The following ASIC2 variants were observed in gnomAD, a reference collection of about 807,000 sequenced individuals.
ASIC2 encodes acid sensing ion channel subunit 2.
Under a neutral mutation model 57.3 loss-of-function variants are expected in ASIC2, and 25 were observed. That is an observed-to-expected ratio of 0.44 (90% confidence interval 0.32 to 0.61). ASIC2 has a LOEUF of 0.61. Ranked by LOEUF, ASIC2 falls within the 20% of genes least tolerant of loss-of-function variation. The probability of loss-of-function intolerance (pLI) is 0.06; values close to 1 mark genes in which losing one functional copy is unlikely to be tolerated. For missense variants in ASIC2, 641 were observed against 738.1 expected (o/e 0.87, Z 1.52); for synonymous variants, 319 against 307.5 (o/e 1.04, Z -0.39).
intron 1 of ASIC2, among the ~76,000 whole-genome samples, chr17:33,447,285 AG>A (rs202038208): frequency 8.4e-5 from 11 of 131,722 alleles, no homozygotes; most frequent in African/African-American, 3.0e-4. Flanking sequence ...AGAAAAGCAG[AG>A]CCAGAGTCTG....
intron 1 of ASIC2, among the ~76,000 whole-genome samples, chr17:33,732,297 G>A (rs1292514897): frequency 2.6e-5 from 4 of 152,196 alleles, no homozygotes; most frequent in African/African-American, 9.6e-5. Context: ...GAGTCATTCA[G>A]ACTTTTCTGA....
chr17:33,960,094 A>G (rs900099116), intron 1 of ASIC2, among the ~76,000 whole-genome samples: 10 of 152,350 alleles, frequency 6.6e-5, no homozygotes, highest in Non-Finnish European at 1.3e-4. Context: ...AGGAATGAGC[A>G]TCTGACACCA....
chr17:33,530,005 A>G (rs1378685200), intron 1 of ASIC2: 2 of 152,200 alleles, frequency 1.3e-5, no homozygotes, highest in East Asian at 3.9e-4. Context: ...TATTCAGCTC[A>G]CTTCCCTTGG....
At chr17:33,303,865 GT>G (rs1906063358) in intron 1 of ASIC2, among the ~76,000 whole-genome samples, 1 of 152,074 alleles carries the variant, frequency 6.6e-6, no homozygotes, top group South Asian at 2.1e-4. Flanking sequence ...ATTCAAAATG[GT>G]TTTCTGAAAA....
chr17:33,220,648 C>T (rs1265751765), intron 1 of ASIC2, among the ~76,000 whole-genome samples: 1 of 149,308 alleles, frequency 6.7e-6, no homozygotes, highest in Admixed American at 6.7e-5. Flanking sequence ...GTATACAAAG[C>T]ACCCGGCCTA....
At chr17:33,135,074 A>G (rs1247406519) in intron 1 of ASIC2, among the ~76,000 whole-genome samples, 1 of 152,184 alleles carries the variant, frequency 6.6e-6, no homozygotes, top group East Asian at 1.9e-4. Context: ...TTGCCCAGTC[A>G]TATGCTAATA....
chr17:33,109,285 C>A (rs1270085183), intron 2 of ASIC2, among the ~76,000 whole-genome samples: 1 of 152,222 alleles, frequency 6.6e-6, no homozygotes, highest in Non-Finnish European at 1.5e-5. Context: ...AGCCACCTTG[C>A]AAACACTTGA....
intron 1 of ASIC2, among the ~76,000 whole-genome samples, chr17:33,978,691 T>A (rs1444036386): frequency 6.6e-6 from 1 of 152,076 alleles, no homozygotes; most frequent in Non-Finnish European, 1.5e-5. Context: ...AAGGCCAGAC[T>A]GAGGGTGACT....
intron 1 of ASIC2, among the ~76,000 whole-genome samples, chr17:33,359,078 G>T (rs1055807757): frequency 1.3e-5 from 2 of 152,224 alleles, no homozygotes; most frequent in Non-Finnish European, 1.5e-5. Context: ...AACTCCCTGA[G>T]ATGACAGTTG....
At chr17:33,060,642 G>C (rs1027310730) in intron 3 of ASIC2, among the ~76,000 whole-genome samples, 2 of 152,044 alleles carry the variant, frequency 1.3e-5, no homozygotes, top group Non-Finnish European at 2.9e-5. Flanking sequence ...TTGGAAATGC[G>C]GGCTCTTTTT....
chr17:33,295,287 T>A (rs1905678610), upstream of ASIC2, among the ~76,000 whole-genome samples: 1 of 152,196 alleles, frequency 6.6e-6, no homozygotes, highest in South Asian at 2.1e-4. Flanking sequence ...TGCTTAGGCC[T>A]CAAGGGGCCT....
intron 1 of ASIC2, among the ~76,000 whole-genome samples, chr17:33,879,326 A>T (rs1253411606): frequency 6.6e-6 from 1 of 152,240 alleles, no homozygotes; most frequent in African/African-American, 2.4e-5. Context: ...TTGGATAAAA[A>T]GTCAAGACCC....
intron 1 of ASIC2, among the ~76,000 whole-genome samples, chr17:33,967,259 A>G (rs1381597775): frequency 6.6e-6 from 1 of 151,726 alleles, no homozygotes; most frequent in African/African-American, 2.4e-5. Context: ...AGAGAGAGAG[A>G]GGGTCTTGCA....
At position 33,696,938 on chromosome 17, in the gene ASIC2, G is replaced by A. The variant is rs1044024815; in HGVS notation, c.555+459040C>T. Among the ~76,000 whole-genome samples, 15 of 152,168 alleles carry A rather than the reference G, an allele frequency of 9.9e-5. 1 individual carries two copies. Among genetic ancestry groups the A allele is most frequent in the Admixed American group, 4.6e-4 (7 of 15,268 alleles). ...TGAAATGTAATCCCTAATATTGGACGTGGGGCCTGGCAGGAGGTGATTGGA... is the reference window on the plus strand; with the variant it reads ...TGAAATGTAATCCCTAATATTGGACATGGGGCCTGGCAGGAGGTGATTGGA... On this transcript the variant is annotated intron_variant, in intron 1 of 9. Coordinates refer to the ASIC2 transcript ENST00000359872.
chr17:33,904,509 G>C (rs887076161), intron 1 of ASIC2, among the ~76,000 whole-genome samples: 1 of 152,200 alleles, frequency 6.6e-6, no homozygotes, highest in Non-Finnish European at 1.5e-5. Context: ...CAGAGCTATA[G>C]AGTTTGTACT....
intron 1 of ASIC2, among the ~76,000 whole-genome samples, chr17:33,829,082 A>C (rs929202906): frequency 6.6e-6 from 1 of 152,206 alleles, no homozygotes; most frequent in Non-Finnish European, 1.5e-5. Context: ...GTTTCCGTTG[A>C]TAGGTTGACC....
intron 1 of ASIC2, among the ~76,000 whole-genome samples, chr17:34,109,134 GAT>G (rs1366418909): frequency 1.3e-5 from 2 of 151,526 alleles, no homozygotes; most frequent in Non-Finnish European, 2.9e-5. Context: ...TATTAAAGTG[GAT>G]TTCTTGTGAG....
chr17:34,124,289 T>C (rs769621222), intron 1 of ASIC2, among the ~76,000 whole-genome samples: 1 of 152,160 alleles, frequency 6.6e-6, no homozygotes, highest in Non-Finnish European at 1.5e-5. Flanking sequence ...TCATATTTAA[T>C]ATACTTTCTA....
intron 1 of ASIC2, among the ~76,000 whole-genome samples, chr17:33,710,487 TGTGGAC>T (rs1351334123): frequency 3.9e-5 from 6 of 152,332 alleles, no homozygotes; most frequent in African/African-American, 1.2e-4. Flanking sequence ...TTGTGGCACC[TGTGGAC>T]GTGGGTCAGG....
Sources: gnomAD v4.1 joint callset for allele counts (sites outside exome capture counted in the v4.1 genomes callset) on GRCh38, gnomAD v4.1.1 for gene constraint, MANE v1.5 for transcripts, NCBI Gene and HGNC (gene_info 2026-07-23, HGNC 2026-07-21) for gene names.